The following NEBL variants were observed in gnomAD, a reference collection of about 807,000 sequenced individuals.
NEBL encodes the protein LIM and SH3 protein 2.
A neutral mutation model predicts 140.2 loss-of-function variants in NEBL; 122 were observed. The observed-to-expected ratio is 0.87, with a 90% confidence interval of 0.75 to 1.01. The LOEUF is 1.01. NEBL is among the 50% of genes least tolerant of loss of function. NEBL has a pLI of 0.00. For synonymous variants in NEBL, 436 were observed against 398.9 expected (o/e 1.09, Z -1.11); for missense variants, 1,365 against 1,231.3 (o/e 1.11, Z -1.62).
At chr10:21,276,465 C>G (rs1192589853) in intron 1 of NEBL, among the ~76,000 whole-genome samples, 1 of 152,104 alleles carries the variant, frequency 6.6e-6, no homozygotes, top group Non-Finnish European at 1.5e-5. Flanking sequence ...AATCTTCTAC[C>G]CCTTCCTCAC....
chr10:20,938,637 C>A (rs1390792619), intron 4 of NEBL, among the ~76,000 whole-genome samples: 1 of 152,106 alleles, frequency 6.6e-6, no homozygotes, highest in African/African-American at 2.4e-5. Flanking sequence ...AATCAAACTA[C>A]TCTGAGCTAA....
At chr10:20,913,572 G>T (rs1848417843) in intron 4 of NEBL, among the ~76,000 whole-genome samples, 1 of 152,004 alleles carries the variant, frequency 6.6e-6, no homozygotes, top group Non-Finnish European at 1.5e-5. Flanking sequence ...TCAGTTTACT[G>T]GAAATAGCAA....
At chr10:20,957,257 T>C (rs544845191) in intron 4 of NEBL, among the ~76,000 whole-genome samples, 2 of 152,176 alleles carry the variant, frequency 1.3e-5, no homozygotes, top group Non-Finnish European at 2.9e-5. Context: ...TGTGAGCTTA[T>C]TAATGGGCAT....
At chr10:20,970,274 A>G (rs936034887) in intron 3 of NEBL, among the ~76,000 whole-genome samples, 2 of 152,216 alleles carry the variant, frequency 1.3e-5, no homozygotes, top group East Asian at 1.9e-4. Flanking sequence ...ATAACTCAAC[A>G]TCCTGCCCCA....
At chr10:21,100,710 G>A (rs1053042876) in intron 2 of NEBL, among the ~76,000 whole-genome samples, 1 of 152,202 alleles carries the variant, frequency 6.6e-6, no homozygotes, top group African/African-American at 2.4e-5. Flanking sequence ...GGGTTTCCAG[G>A]ATTGGTTTTG....
Position 21,244,217 on chromosome 10 carries a change from G to A in NEBL, n.348+3704C>T, listed in dbSNP as rs568048115. On this transcript the variant is annotated intron_variant and non_coding_transcript_variant, in intron 3 of 8. Transcript: ENST00000675702. ...CTTACTCTGTCTCCCAAGCTGGAGC[G>A]CAGTGTGGCCCGATCTTGGCTCACT... is the stretch of plus-strand genomic sequence containing the variant. Among the ~76,000 whole-genome samples the A allele has an allele frequency of 6.6e-5, 10 of 152,030 alleles. No homozygotes were observed. The South Asian group carries it at 8.3e-4, about 13-fold the overall frequency.
chr10:21,129,345 C>T (rs1216978658), intron 2 of NEBL, among the ~76,000 whole-genome samples: 2 of 151,810 alleles, frequency 1.3e-5, no homozygotes, highest in East Asian at 3.9e-4. Flanking sequence ...CTCCTGGGCT[C>T]AAGCCATCCT....
At chr10:21,107,008 C>G (rs1365369406) in intron 2 of NEBL, among the ~76,000 whole-genome samples, 5 of 152,124 alleles carry the variant, frequency 3.3e-5, no homozygotes. Flanking sequence ...TATAGGAATG[C>G]TTGTGATTTT....
chr10:21,234,230 A>G (rs148149266), intron 3 of NEBL, among the ~76,000 whole-genome samples: 1 of 152,230 alleles, frequency 6.6e-6, no homozygotes, highest in African/African-American at 2.4e-5. Flanking sequence ...CCTCCAAATC[A>G]CATGTTGAAA....
intron 3 of NEBL, among the ~76,000 whole-genome samples, chr10:21,207,435 T>C (rs531772480): frequency 2.1e-3 from 314 of 152,266 alleles, no homozygotes; most frequent in African/African-American, 7.1e-3. Context: ...AGAATTCTTA[T>C]TAACTCTATA....
At chr10:21,075,856 A>T (rs541363992) in intron 2 of NEBL, among the ~76,000 whole-genome samples, 7 of 152,358 alleles carry the variant, frequency 4.6e-5, no homozygotes, top group Admixed American at 1.3e-4. Flanking sequence ...AACCCCATTT[A>T]AAAAAGGGCA....
At chr10:21,139,945 G>T (rs1839541072) in intron 2 of NEBL, among the ~76,000 whole-genome samples, 1 of 145,086 alleles carries the variant, frequency 6.9e-6, no homozygotes, top group African/African-American at 2.6e-5. Flanking sequence ...GAGGCCAGGA[G>T]TTCGAGACCA....
rs1841196513 is a variant in NEBL, at chr10:21,173,850, G to A, written c.-17C>T. 3.1e-6 allele frequency: 5 copies of A among 1,600,708 alleles called. No individual in the cohort carries two copies. Among genetic ancestry groups the A allele is most frequent in the Non-Finnish European group, 3.4e-6 (4 of 1,175,446 alleles). On this transcript the variant is annotated 5_prime_UTR_variant, in exon 1 of 7. Transcript: ENST00000417816. This position sits in a 1 kb window ranked among gnomAD's most constrained non-coding sequence, Gnocchi z 5.7. ...GGGGTTCATGATCGCGGTTCCCGGG[G>A]GCGGCGGCGGCGGCGGCTGCTGGCT... is the stretch of plus-strand genomic sequence containing the variant.
chr10:21,243,507 A>T (rs57134456), intron 3 of NEBL, among the ~76,000 whole-genome samples: 3 of 151,824 alleles, frequency 2.0e-5, no homozygotes, highest in Admixed American at 6.6e-5. Flanking sequence ...GGGTTTTGCC[A>T]TGTTGGCCAG....
chr10:21,214,477 ACACACACGCG>A (rs1841959201), intron 3 of NEBL, among the ~76,000 whole-genome samples: 2 of 151,542 alleles, frequency 1.3e-5, no homozygotes, highest in Non-Finnish European at 2.9e-5. Context: ...ACACACATGC[ACACACACGCG>A]CACATTACAC....
intron 2 of NEBL, among the ~76,000 whole-genome samples, chr10:21,109,870 T>C (rs1837903794): frequency 2.0e-5 from 3 of 152,148 alleles, no homozygotes; most frequent in African/African-American, 7.2e-5. Context: ...CATTTTTTAT[T>C]GTGTCTATTT....
At chr10:20,961,290 T>A (rs1025845988) in intron 4 of NEBL, among the ~76,000 whole-genome samples, 2 of 152,174 alleles carry the variant, frequency 1.3e-5, no homozygotes, top group African/African-American at 2.4e-5. Context: ...TATGAAATCT[T>A]ATAGACACCT....
At chr10:21,167,377 G>A (rs987404696) in intron 2 of NEBL, among the ~76,000 whole-genome samples, 3 of 152,206 alleles carry the variant, frequency 2.0e-5, no homozygotes, top group African/African-American at 7.2e-5. Flanking sequence ...TATAGTAAAT[G>A]TAGGCAGGTC....
intron 2 of NEBL, among the ~76,000 whole-genome samples, chr10:21,134,191 A>C (rs1409582102): frequency 6.6e-6 from 1 of 151,128 alleles, no homozygotes; most frequent in Non-Finnish European, 1.5e-5. Flanking sequence ...GTGCCATTGC[A>C]CTCCAGCCTG....
Sources: allele counts gnomAD v4.1 joint callset (sites outside exome capture counted in the v4.1 genomes callset), GRCh38; gene constraint gnomAD v4.1.1; non-coding constraint Gnocchi (gnomAD v3.1); transcripts MANE v1.5; gene names NCBI Gene and HGNC (gene_info 2026-07-23, HGNC 2026-07-21).